Variants in ACOT8 observed in about 807,000 individuals in gnomAD.
ACOT8 encodes acyl-coenzyme A thioesterase 8.
ACOT8 carries 31 observed loss-of-function variants against 38.4 expected under a neutral mutation model. That is an observed-to-expected ratio of 0.81 (90% CI 0.61 to 1.09). The LOEUF (loss-of-function observed/expected upper bound fraction) is 1.09, where lower values mean the gene tolerates loss of function less well. ACOT8 is among the 50% of genes least tolerant of loss of function. The pLI, the probability that ACOT8 is intolerant of heterozygous loss-of-function variation, is 0.00. For synonymous variants in ACOT8, 158 were observed against 170.3 expected, an observed-to-expected ratio of 0.93 and a Z score of 0.56; for missense variants, 373 against 421.8, an observed-to-expected ratio of 0.88 and a Z score of 1.01.
chr20:45,855,998 G>A (rs921067606), intron 1 of ACOT8, among the ~76,000 whole-genome samples: 2 of 152,012 alleles, frequency 1.3e-5, no homozygotes, highest in African/African-American at 2.4e-5. Flanking sequence ...GGTGGCTCTC[G>A]CCTGTAATCA....
chr20:45,850,407 C>T (rs1379140013), intron 2 of ACOT8, among the ~76,000 whole-genome samples: 1 of 152,212 alleles, frequency 6.6e-6, no homozygotes, highest in Non-Finnish European at 1.5e-5. Context: ...CATTATTTGG[C>T]TTGCTGGACT....
chr20:45,845,144 G>A (rs1049304759), intron 3 of ACOT8, among the ~76,000 whole-genome samples: 38 of 151,990 alleles, frequency 2.5e-4, no homozygotes, highest in African/African-American at 8.7e-4. Flanking sequence ...GCTTGAGTGC[G>A]GTGGTGCAAT....
intron 1 of ACOT8, among the ~76,000 whole-genome samples, chr20:45,856,556 G>A (rs1601105509): frequency 6.6e-6 from 1 of 152,024 alleles, no homozygotes; most frequent in African/African-American, 2.4e-5. Flanking sequence ...TGGCGCGCCT[G>A]TATGTCCCAG....
chr20:45,848,735 C>A, intron 2 of ACOT8, 60 bp from the exon 3 acceptor site: 1 of 1,401,642 alleles, frequency 7.1e-7, no homozygotes, highest in Admixed American at 2.0e-5. Context: ...CAACGCCTGA[C>A]AGGCACTCTA....
chr20:45,855,069 C>T (rs1985318305), intron 2 of ACOT8, 90 bp downstream of exon 2: 1 of 1,546,762 alleles, frequency 6.5e-7, no homozygotes. Context: ...CTTCCAGTCT[C>T]CCTCTCTTCC....
At chr20:45,849,388 G>A (rs754864999) in intron 2 of ACOT8, among the ~76,000 whole-genome samples, 37 of 151,916 alleles carry the variant, frequency 2.4e-4, no homozygotes, top group South Asian at 2.1e-4. Context: ...AGGTTCAAGC[G>A]ATTCCTGTGA....
chr20:45,846,935 C>T (rs1216687990), intron 3 of ACOT8, among the ~76,000 whole-genome samples: 2 of 152,120 alleles, frequency 1.3e-5, no homozygotes, highest in Non-Finnish European at 2.9e-5. Flanking sequence ...TGGCCGGGCA[C>T]GGTGGCTCAC....
intron 3 of ACOT8, among the ~76,000 whole-genome samples, chr20:45,845,863 C>T (rs1050881496): frequency 1.2e-4 from 18 of 149,168 alleles, no homozygotes; most frequent in African/African-American, 4.5e-4. Context: ...GACGGAATCT[C>T]GCTCTGTTGC....
At chr20:45,857,106 G>A (rs1985503643) in intron 1 of ACOT8, 82 bp downstream of exon 1, 1 of 1,528,204 alleles carries the variant, frequency 6.5e-7, no homozygotes, top group African/African-American at 1.4e-5. Flanking sequence ...ACTAGTCCCG[G>A]AGCCAGGGGC....
rs1163820288 is a variant in ACOT8 at position 45,843,342 on chromosome 20, G to C, written c.841+185C>G. On this transcript the variant is annotated intron_variant, in intron 5 of 5. Transcript: ENST00000217455. ...ATTTCCAGCACATTCTAGAAATTTA[G>C]AGCAGAGCAGGTGTCCCGGCCTCAC... 3 of 836,948 alleles carry C rather than the reference G, an allele frequency of 3.6e-6. No individual in the cohort carries two copies. The African/African-American group carries it at 5.0e-5, about 14-fold the overall frequency. 51.8% of individuals were successfully genotyped at this position (836,948 alleles called of 1,614,324 possible). A position where few individuals can be genotyped will look rare whatever the true frequency, so the allele number is the denominator to read the frequency against.
At chr20:45,856,075 G>A (rs1285670189) in intron 1 of ACOT8, among the ~76,000 whole-genome samples, 2 of 152,112 alleles carry the variant, frequency 1.3e-5, no homozygotes, top group African/African-American at 4.8e-5. Flanking sequence ...ACCAGCCTGG[G>A]CTCCAAAGTG....
At chr20:45,843,114 G>A (rs890655991) in intron 5 of ACOT8, 26 of 1,051,136 alleles carry the variant, frequency 2.5e-5, no homozygotes, top group Non-Finnish European at 2.9e-5. Flanking sequence ...TCTTGAGGGT[G>A]GAATCAGAAT....
rs1410787058 is a variant in ACOT8 at position 45,857,296 on chromosome 20, G to A, written c.20C>T (p.Pro7Leu). Residue 7 changes from proline (P) to leucine (L), a missense_variant, in exon 1 of 6, where the codon CCA (proline) becomes CTA (leucine). Physicochemically the swap from Pro to Leu is moderately conservative, Grantham distance 98. Transcript: ENST00000217455. The stretch of plus-strand genomic sequence containing the variant: ...GTCGCCACAGCCCTGCCCATCTTCT[G>A]GGGCCTGCGGGGACGACATCTAGTT... MSSPQA[P>L]EDGQGCGDRG... 2 of 1,607,982 alleles carry A rather than the reference G, an allele frequency of 1.2e-6. No homozygotes were observed. The highest frequency in any genetic ancestry group is 1.7e-6 in the Non-Finnish European group (2 of 1,177,732).
chr20:45,849,901 G>A (rs1414876980), intron 2 of ACOT8, among the ~76,000 whole-genome samples: 1 of 152,148 alleles, frequency 6.6e-6, no homozygotes, highest in Non-Finnish European at 1.5e-5. Context: ...GAAGCTGTTG[G>A]TGGGCTAACT....
chr20:45,845,568 GAACATTGC>G (rs1984624390), intron 3 of ACOT8, among the ~76,000 whole-genome samples: 1 of 152,132 alleles, frequency 6.6e-6, no homozygotes, highest in Admixed American at 6.5e-5. Flanking sequence ...ACACAGTAGG[GAACATTGC>G]ATCCCCCCAG....
intron 2 of ACOT8, chr20:45,854,057 T>A (rs1274469620): frequency 1.1e-6 from 1 of 944,968 alleles, no homozygotes; most frequent in Non-Finnish European, 1.4e-6. Flanking sequence ...GTTTTGCTTT[T>A]ATTTTCCTTT....
intron 3 of ACOT8, among the ~76,000 whole-genome samples, chr20:45,845,837 G>GTT (rs901449285): frequency 2.4e-5 from 3 of 127,310 alleles, no homozygotes; most frequent in Non-Finnish European, 3.1e-5. Context: ...GTTTTTTTTT[G>GTT]TTTTTTTTTT....
intron 1 of ACOT8, 69 bp downstream of exon 1, chr20:45,857,119 C>G (rs1212426788): frequency 1.3e-6 from 2 of 1,551,970 alleles, no homozygotes; most frequent in African/African-American, 1.4e-5. Context: ...CCAGGGGCCC[C>G]GGGCGGCGGC....
At chr20:45,846,815 T>C (rs1409946680) in intron 3 of ACOT8, among the ~76,000 whole-genome samples, 1 of 152,192 alleles carries the variant, frequency 6.6e-6, no homozygotes, top group African/African-American at 2.4e-5. Flanking sequence ...TCCAAATAAA[T>C]ATATTTTACC....
Sources: allele counts gnomAD v4.1 joint callset (sites outside exome capture counted in the v4.1 genomes callset), GRCh38; gene constraint gnomAD v4.1.1; transcripts MANE v1.5; gene names NCBI Gene and HGNC (gene_info 2026-07-23, HGNC 2026-07-21).